The following SLC9A7 variants were observed in gnomAD, a reference collection of about 807,000 sequenced individuals.
SLC9A7 encodes solute carrier family 9 member A7, also known as sodium/hydrogen exchanger 7.
Under a neutral mutation model 52.6 loss-of-function variants are expected in SLC9A7, and 19 were observed. That is an observed-to-expected ratio of 0.36 (90% CI 0.25 to 0.53). The LOEUF is 0.53. SLC9A7 is among the 20% of genes least tolerant of loss of function. The probability of loss-of-function intolerance (pLI) is 0.91; values close to 1 mark genes in which losing one functional copy is unlikely to be tolerated. For missense variants in SLC9A7, 455 were observed against 597.9 expected (o/e 0.76, Z 2.49); for synonymous variants, 226 against 252.1 (o/e 0.90, Z 0.98).
chrX:46,748,573 A>G (rs1398779536), intron 1 of SLC9A7, among the ~76,000 whole-genome samples: 2 of 103,773 alleles, frequency 1.9e-5, no homozygotes, highest in African/African-American at 7.0e-5. Flanking sequence ...GTGTACACAC[A>G]CACACACACA....
chrX:46,658,731 A>G (rs1163761503), intron 7 of SLC9A7, among the ~76,000 whole-genome samples: 3 of 111,365 alleles, frequency 2.7e-5, no homozygotes, highest in African/African-American at 9.9e-5. Context: ...GCAATAATCA[A>G]TAGCTTACCA....
At chrX:46,662,735 T>A in intron 5 of SLC9A7, 92 bp from the exon 6 acceptor site, 1 of 600,352 alleles carries the variant, frequency 1.7e-6, no homozygotes, top group Non-Finnish European at 2.7e-6. Context: ...CTATCTTGGG[T>A]GGGACTGGGT....
At chrX:46,699,768 TGGAGGGGCACCCATAC>T (rs1350163096) in intron 1 of SLC9A7, among the ~76,000 whole-genome samples, 1 of 111,366 alleles carries the variant, frequency 9.0e-6, no homozygotes, top group African/African-American at 3.3e-5. Context: ...CCCAACAATA[TGGAGGGGCACCCATAC>T]GTACTCTTAA....
At chrX:46,658,513 A>C (rs1278292750) in intron 7 of SLC9A7, among the ~76,000 whole-genome samples, 1 of 110,375 alleles carries the variant, frequency 9.1e-6, no homozygotes, top group African/African-American at 3.3e-5. Flanking sequence ...AGAATCAAAT[A>C]GACGCAATAA....
intron 7 of SLC9A7, among the ~76,000 whole-genome samples, chrX:46,654,040 C>T (rs746892697): frequency 1.8e-5 from 2 of 110,626 alleles, no homozygotes; most frequent in Non-Finnish European, 3.8e-5. Context: ...GAATTGTGCA[C>T]GTAAAGATGG....
intron 14 of SLC9A7, among the ~76,000 whole-genome samples, chrX:46,621,924 A>G (rs1434454989): frequency 1.8e-5 from 2 of 112,010 alleles, no homozygotes; most frequent in African/African-American, 6.5e-5. Flanking sequence ...GCAACTCTGC[A>G]AGTGAGGGAC....
chrX:46,655,769 C>T (rs1943671718), intron 7 of SLC9A7, among the ~76,000 whole-genome samples: 1 of 112,813 alleles, frequency 8.9e-6, no homozygotes, highest in African/African-American at 3.2e-5. Flanking sequence ...TGAGATCAAA[C>T]TGCAAGGCGG....
chrX:46,743,309 G>A (rs763837206), intron 1 of SLC9A7, among the ~76,000 whole-genome samples: 37 of 112,081 alleles, frequency 3.3e-4, no homozygotes, highest in African/African-American at 1.0e-3. Context: ...GTTGTTTTGT[G>A]TGCCTGGAAC....
intron 1 of SLC9A7, among the ~76,000 whole-genome samples, chrX:46,729,967 A>G (rs1418855438): frequency 9.0e-6 from 1 of 111,511 alleles, no homozygotes; most frequent in Non-Finnish European, 1.9e-5. Context: ...TTATTTTTTA[A>G]CCCTTGCCAC....
chrX:46,683,031 G>A (rs757052931), intron 1 of SLC9A7, among the ~76,000 whole-genome samples: 2 of 98,003 alleles, frequency 2.0e-5, no homozygotes, highest in African/African-American at 7.7e-5. Flanking sequence ...GGCTGGTCTC[G>A]AACTCCTGAC....
At chrX:46,702,046 T>C (rs1228332227) in intron 1 of SLC9A7, among the ~76,000 whole-genome samples, 1 of 111,447 alleles carries the variant, frequency 9.0e-6, no homozygotes, top group African/African-American at 3.3e-5. Flanking sequence ...TTGTTTAACT[T>C]TGCATGTTTT....
intron 1 of SLC9A7, among the ~76,000 whole-genome samples, chrX:46,694,645 T>A (rs1347485122): frequency 7.2e-5 from 8 of 111,769 alleles, no homozygotes; most frequent in Admixed American, 9.5e-5. Context: ...GGTGGGAATG[T>A]ATAATTGTGC....
At chrX:46,612,486 GGAAA>G (rs986110429) in intron 16 of SLC9A7, among the ~76,000 whole-genome samples, 4 of 111,569 alleles carry the variant, frequency 3.6e-5, no homozygotes, top group African/African-American at 1.3e-4. Context: ...ATCTGAAAAT[GGAAA>G]GAAAGGACCT....
At chrX:46,651,807 G>A (rs1159115285) in intron 8 of SLC9A7, among the ~76,000 whole-genome samples, 1 of 99,337 alleles carries the variant, frequency 1.0e-5, no homozygotes, top group Non-Finnish European at 2.0e-5. Flanking sequence ...CAGTCTGGGC[G>A]ACAGAAGGCA....
chrX:46,653,426 T>C (rs775531412), intron 8 of SLC9A7, among the ~76,000 whole-genome samples, 183 bp downstream of exon 8: 122 of 111,900 alleles, frequency 1.1e-3, no homozygotes, highest in African/African-American at 3.8e-3. Context: ...AGTCTAGCTT[T>C]TTGGAAAGTA....
At chrX:46,737,995 C>G (rs10442371) in intron 1 of SLC9A7, among the ~76,000 whole-genome samples, 2,005 of 103,397 alleles carry the variant, frequency 0.019, 50 homozygotes, top group African/African-American at 0.068. Flanking sequence ...CCACTGCACT[C>G]TAGCCTAGGA....
At position 46,601,167 on chromosome X, in the gene SLC9A7, A is replaced by G. The variant is rs1383976383; in HGVS notation, c.*5785T>C. 4 of 112,310 alleles carry G rather than the reference A, an allele frequency of 3.6e-5. No homozygotes were observed. Among genetic ancestry groups the G allele is most frequent in the African/African-American group, 1.3e-4 (4 of 30,906 alleles). 9.3% of individuals were successfully genotyped at this position (112,310 alleles called of 1,213,427 possible). On this transcript the variant is annotated 3_prime_UTR_variant, in exon 17 of 17. Transcript: ENST00000616978. ...CATTGCAGATAATCTTTCACAACAG[A>G]TGGTAAAATCAGCTTTCTGATACAC...
intron 2 of SLC9A7, 151 bp downstream of exon 2, chrX:46,682,185 T>G (rs962480839): frequency 1.8e-6 from 1 of 540,640 alleles, no homozygotes; most frequent in Non-Finnish European, 3.0e-6. Flanking sequence ...CTTCTCCTCA[T>G]CATGGACCAA....
At position 46,643,221 on chromosome X, in the gene SLC9A7, T is replaced by A; in HGVS notation, c.1616+15A>T. 8.3e-7 allele frequency: 1 copy of A among 1,198,448 alleles called. No homozygotes were observed. The highest frequency in any genetic ancestry group is 1.8e-5 in the South Asian group (1 of 55,592). On this transcript the variant is annotated intron_variant, in intron 12 of 16. Coordinates refer to ENST00000616978, the MANE Select transcript of SLC9A7 (RefSeq NM_001257291.2). ...GACAACTGACATACTCAATTAGCCT[T>A]GGTTCCAAACCAACCTGATGTTAAG... is the stretch of plus-strand genomic sequence containing the variant.
Sources: allele counts gnomAD v4.1 joint callset (sites outside exome capture counted in the v4.1 genomes callset), GRCh38; gene constraint gnomAD v4.1.1; transcripts MANE v1.5; gene names NCBI Gene and HGNC (gene_info 2026-07-23, HGNC 2026-07-21).